The following PHRF1 variants were observed in gnomAD, a reference collection of about 807,000 sequenced individuals.
PHRF1 encodes the protein PHD and ring finger domains 1, also known as PHD and RING finger domain-containing protein 1.
In PHRF1, 53 loss-of-function variants were observed where a neutral mutation model predicts 128.9. That is an observed-to-expected ratio of 0.41 (90% CI 0.33 to 0.52). The LOEUF (loss-of-function observed/expected upper bound fraction) is 0.52. PHRF1 is among the 20% of genes least tolerant of loss of function. The probability of loss-of-function intolerance (pLI) is 0.21; values close to 1 mark genes in which losing one functional copy is unlikely to be tolerated. For synonymous variants in PHRF1, 1,178 were observed against 980.6 expected (o/e 1.20, Z -3.76); for missense variants, 2,503 against 2,284.5 (o/e 1.10, Z -1.95).
chr11:583,372 C>T (rs2134185943), intron 3 of PHRF1, among the ~76,000 whole-genome samples: 1 of 151,386 alleles, frequency 6.6e-6, no homozygotes, highest in East Asian at 1.9e-4. Flanking sequence ...CCAAAATTAG[C>T]CGGGCGTGGT....
intron 10 of PHRF1, 117 bp downstream of exon 10, chr11:601,818 G>T: frequency 1.5e-6 from 2 of 1,298,188 alleles, no homozygotes; most frequent in Non-Finnish European, 1.1e-6. Flanking sequence ...TATGGAGCAG[G>T]GATCATCATC....
intron 10 of PHRF1, among the ~76,000 whole-genome samples, chr11:603,911 C>G (rs1414934461): frequency 6.6e-6 from 1 of 151,884 alleles, no homozygotes; most frequent in East Asian, 1.9e-4. Flanking sequence ...CCATGTTGGT[C>G]AGGCTGGTCT....
chr11:590,244 G>GT (rs1854888079), intron 4 of PHRF1, among the ~76,000 whole-genome samples: 1 of 152,240 alleles, frequency 6.6e-6, no homozygotes, highest in South Asian at 2.1e-4. Context: ...GGTGTCACAC[G>GT]TACAACCTCA....
chr11:610,449 C>T, intron 15 of PHRF1, 52 bp from the exon 16 acceptor site: 3 of 1,570,046 alleles, frequency 1.9e-6, no homozygotes, highest in Non-Finnish European at 2.6e-6. Context: ...AGCTCCTGGG[C>T]ACAGAGCTGC....
chr11:588,562 A>G (rs964475525), intron 4 of PHRF1, among the ~76,000 whole-genome samples: 1 of 151,858 alleles, frequency 6.6e-6, no homozygotes, highest in Non-Finnish European at 1.5e-5. Flanking sequence ...TATTTTTAGT[A>G]GAGACAGGGT....
Position 592,639 on chromosome 11 carries a change from G to A in PHRF1, c.585G>A (p.Glu195=), listed in dbSNP as rs1331931175. The A allele has an allele frequency of 6.2e-7, 1 of 1,614,088 alleles. No individual in the cohort carries two copies. Among genetic ancestry groups the A allele is most frequent in the Non-Finnish European group, 8.5e-7 (1 of 1,179,904 alleles). Residue 195 remains glutamate, a synonymous_variant, in exon 6 of 18, where the codon GAG becomes GAA. Transcript: ENST00000264555. The part of the protein sequence containing the change: ...FCEVCGRSDR[E]DRLLLCDGCD... Reference sequence around the variant, plus strand: ...AGGTGTGCGGCAGGAGCGACCGTGAGGACAGGCTTTTGCTCTGCGACGGCT... The same window carrying A: ...AGGTGTGCGGCAGGAGCGACCGTGAAGACAGGCTTTTGCTCTGCGACGGCT...
chr11:595,093 C>T (rs188799981), intron 6 of PHRF1, among the ~76,000 whole-genome samples: 96 of 152,262 alleles, frequency 6.3e-4, no homozygotes, highest in Middle Eastern at 3.4e-3. Flanking sequence ...TAGGCCGAGG[C>T]GGGTGGATCA....
intron 6 of PHRF1, among the ~76,000 whole-genome samples, chr11:594,613 C>T (rs1855176469): frequency 6.6e-6 from 1 of 152,122 alleles, no homozygotes; most frequent in Non-Finnish European, 1.5e-5. Flanking sequence ...AGGCACATGC[C>T]ACCACACCTG....
At position 608,633 on chromosome 11, in the gene PHRF1, C is replaced by T. The variant is rs751894653; in HGVS notation, c.3177C>T (p.Ser1059=). The change falls in exon 14 of 18, where the codon TCC becomes TCT. Residue 1059 remains serine (S), a synonymous_variant. Transcript: ENST00000264555. ...GCCGGCGGTCCTCCAGTGACCGCTC[C>T]AGCAGCCGAGAGCGAGCTAAGAGGA... is the stretch of plus-strand genomic sequence containing the variant. ...AKSRRSSSDR[S]SSRERAKRKK... is the part of the protein sequence containing the mutation. The T allele has an allele frequency of 4.0e-5, 64 of 1,612,162 alleles. No individual in the cohort carries two copies. Among genetic ancestry groups the T allele is most frequent in the Middle Eastern group, 1.7e-4 (1 of 6,038 alleles).
chr11:585,837 C>T (rs1281191441), intron 3 of PHRF1, among the ~76,000 whole-genome samples: 2 of 151,580 alleles, frequency 1.3e-5, no homozygotes, highest in African/African-American at 2.4e-5. Flanking sequence ...CCTGCCACCG[C>T]GTCCAGCTAA....
chr11:582,199 T>C, intron 3 of PHRF1, 118 bp downstream of exon 3: 1 of 1,470,788 alleles, frequency 6.8e-7, no homozygotes, highest in Non-Finnish European at 9.1e-7. Context: ...GTCCCTGCGG[T>C]CACCTACGGT....
chr11:598,244 T>C (rs1855413493), intron 8 of PHRF1, 129 bp from the exon 9 acceptor site: 6 of 1,298,234 alleles, frequency 4.6e-6, no homozygotes, highest in Non-Finnish European at 6.1e-6. Context: ...GCTGCTGCAG[T>C]GGCGGGTGGG....
chr11:602,217 C>A (rs568652932), intron 10 of PHRF1, among the ~76,000 whole-genome samples: 1 of 152,322 alleles, frequency 6.6e-6, no homozygotes, highest in Admixed American at 6.5e-5. Flanking sequence ...CATCCAAAAT[C>A]ATGGACCAGA....
intron 6 of PHRF1, among the ~76,000 whole-genome samples, chr11:593,008 A>G (rs60083681): frequency 0.039 from 5,981 of 152,230 alleles, 402 homozygotes; most frequent in African/African-American, 0.14. Flanking sequence ...AGGGGTGGCT[A>G]TGCCTGCGTC....
At chr11:611,246 C>T (rs1856376429) in intron 17 of PHRF1, among the ~76,000 whole-genome samples, 164 bp downstream of exon 17, 1 of 152,148 alleles carries the variant, frequency 6.6e-6, no homozygotes. Context: ...GGCCTGGGGT[C>T]AAGCCTGTTC....
In PHRF1 at chr11:608,982, A is replaced by T. The variant is rs777806152; in HGVS notation, c.3526A>T (p.Arg1176Trp). ...PSSEHRAREH[R>W]RPRSREKWPQ... Reference sequence around the variant, plus strand: ...CTCGGAGCACAGGGCACGGGAGCACAGGCGGCCTCGGTCCCGTGAGAAGTG... The same window carrying T: ...CTCGGAGCACAGGGCACGGGAGCACTGGCGGCCTCGGTCCCGTGAGAAGTG... The change falls in exon 14 of 18, where the codon AGG (arginine) becomes TGG (tryptophan). Residue 1176 changes from arginine (R) to tryptophan (W), a missense_variant. Arg to Trp is a moderately radical substitution (Grantham distance 101). Transcript: ENST00000264555. The T allele has an allele frequency of 6.2e-7, 1 of 1,607,720 alleles. No individual in the cohort carries two copies. The highest frequency in any genetic ancestry group is 8.5e-7 in the Non-Finnish European group (1 of 1,177,906).
Position 607,948 on chromosome 11 carries a change from A to T in PHRF1, c.2492A>T (p.Asp831Val). 6.2e-7 allele frequency: 1 copy of T among 1,611,786 alleles called. No homozygotes were observed. The highest frequency in any genetic ancestry group is 8.5e-7 in the Non-Finnish European group (1 of 1,179,728). Residue 831 changes from aspartate to valine, a missense_variant, in exon 14 of 18, where the codon GAC (aspartate) becomes GTC (valine). Coordinates refer to ENST00000264555, the MANE Select transcript of PHRF1 (RefSeq NM_001286581.2). Reference sequence around the variant, plus strand: ...AAGCAGCTGCGGAGCGAGGTCTACGACCCATCCGACCCCACCGGCTCCGAC... The same window carrying T: ...AAGCAGCTGCGGAGCGAGGTCTACGTCCCATCCGACCCCACCGGCTCCGAC... ...KTKQLRSEVY[D>V]PSDPTGSDSS...
chr11:592,364 T>C (rs1855023986), intron 5 of PHRF1, among the ~76,000 whole-genome samples, 195 bp from the exon 6 acceptor site: 1 of 152,212 alleles, frequency 6.6e-6, no homozygotes, highest in African/African-American at 2.4e-5. Context: ...AATACTTTCC[T>C]CTTAGATCAC....
intron 3 of PHRF1, among the ~76,000 whole-genome samples, chr11:585,174 C>T (rs980981357): frequency 2.3e-4 from 35 of 152,304 alleles, no homozygotes; most frequent in African/African-American, 7.2e-4. Flanking sequence ...CTTTTCCCAC[C>T]CTGGTGTTTC....
Sources: allele counts gnomAD v4.1 joint callset (sites outside exome capture counted in the v4.1 genomes callset), GRCh38; gene constraint gnomAD v4.1.1; transcripts MANE v1.5; gene names NCBI Gene and HGNC (gene_info 2026-07-23, HGNC 2026-07-21).